The following ADGRV1 variants were observed in gnomAD, a reference collection of about 807,000 sequenced individuals.
ADGRV1 encodes the protein adhesion G protein-coupled receptor V1.
Under a neutral mutation model 596.2 loss-of-function variants are expected in ADGRV1, and 359 were observed. The observed-to-expected ratio is 0.60, with a 90% CI of 0.55 to 0.66. The LOEUF is 0.66. Among genes scored for constraint, ADGRV1 ranks in the 30% least tolerant of loss-of-function variants. The pLI is 0.00. For synonymous variants in ADGRV1, 2,681 were observed against 2,679.2 expected (o/e 1.00, Z -0.02); for missense variants, 7,274 against 7,575.6 (o/e 0.96, Z 1.48).
At chr5:91,036,423 G>C (rs184024404) in intron 85 of ADGRV1, among the ~76,000 whole-genome samples, 1 of 152,082 alleles carries the variant, frequency 6.6e-6, no homozygotes, top group Non-Finnish European at 1.5e-5. Context: ...TTAGCCGGGC[G>C]TGGTGGCGGG....
intron 86 of ADGRV1, among the ~76,000 whole-genome samples, chr5:91,096,205 A>G (rs960096328): frequency 6.6e-6 from 1 of 152,270 alleles, no homozygotes; most frequent in Non-Finnish European, 1.5e-5. Context: ...TAAACATAGA[A>G]TAAATTTCAG....
intron 77 of ADGRV1, among the ~76,000 whole-genome samples, chr5:90,837,055 C>T (rs1254684393): frequency 6.6e-6 from 1 of 152,182 alleles, no homozygotes; most frequent in Non-Finnish European, 1.5e-5. Context: ...CATAGATACC[C>T]TTTGGTAGAC....
intron 83 of ADGRV1, among the ~76,000 whole-genome samples, chr5:90,884,864 G>T (rs1368161783): frequency 1.3e-5 from 2 of 152,186 alleles, no homozygotes; most frequent in Non-Finnish European, 2.9e-5. Flanking sequence ...ATCCAGGACA[G>T]TTGAATACCC....
intron 83 of ADGRV1, among the ~76,000 whole-genome samples, chr5:90,873,924 A>G (rs1346854983): frequency 3.9e-5 from 6 of 152,072 alleles, no homozygotes; most frequent in African/African-American, 1.2e-4. Flanking sequence ...TTGCTCACCT[A>G]AGCCACCTTT....
chr5:90,644,440 A>C (rs1345096347), intron 14 of ADGRV1, among the ~76,000 whole-genome samples: 1 of 152,194 alleles, frequency 6.6e-6, no homozygotes, highest in Non-Finnish European at 1.5e-5. Flanking sequence ...CTAATTCGTC[A>C]TCATTCTGTT....
At chr5:90,564,625 A>ATATTTTTTTTTTTTT (rs1391157470) in intron 1 of ADGRV1, among the ~76,000 whole-genome samples, 1 of 33,600 alleles carries the variant, frequency 3.0e-5, no homozygotes, top group African/African-American at 2.3e-4. Flanking sequence ...ATATATATAT[A>ATATTTTTTTTTTTTT]TTTTTTTTTT....
At chr5:90,671,765 AAATTG>A (rs1772499135) in intron 21 of ADGRV1, among the ~76,000 whole-genome samples, 1 of 152,164 alleles carries the variant, frequency 6.6e-6, no homozygotes, top group African/African-American at 2.4e-5. Context: ...CATAAAAATA[AAATTG>A]AATTGAGAGA....
chr5:90,647,609 C>G lies in ADGRV1; in HGVS notation c.3134C>G (p.Ala1045Gly). ...CAGTATGCTACCAAGGATGGGAAGG[C>G]TACTGCAAGAGAGAGAGATTTCATT... Reference protein sequence around the residue: ...MVQYATKDGKATARERDFIPV... With the variant: ...MVQYATKDGKGTARERDFIPV... Residue 1045 changes from alanine to glycine, a missense_variant, in exon 17 of 90, where the codon GCT (alanine) becomes GGT (glycine). By Grantham distance (60) the Ala-to-Gly change is moderately conservative. Around this residue, in one of 5 missense-constraint regions of ADGRV1, gnomAD observed 1,715 missense variants for 1,708.8 expected, o/e 1.00. Coordinates refer to ENST00000405460, the MANE Select transcript of ADGRV1 (RefSeq NM_032119.4). The G allele has an allele frequency of 6.2e-7, 1 of 1,613,842 alleles. No individual in the cohort carries two copies. The highest frequency in any genetic ancestry group is 8.5e-7 in the Non-Finnish European group (1 of 1,179,856).
intron 79 of ADGRV1, among the ~76,000 whole-genome samples, chr5:90,851,211 G>A (rs1248452084): frequency 1.3e-5 from 2 of 151,108 alleles, no homozygotes; most frequent in Non-Finnish European, 1.5e-5. Context: ...GTTGAGAAGA[G>A]TGTTAAAGGT....
chr5:90,665,381 A>G (rs1174318454), intron 21 of ADGRV1, among the ~76,000 whole-genome samples: 1 of 150,982 alleles, frequency 6.6e-6, no homozygotes, highest in African/African-American at 2.4e-5. Context: ...TTTCTTCTAG[A>G]TTTTCTAGTT....
At chr5:90,759,339 C>A (rs1756196672) in intron 57 of ADGRV1, 70 bp from the exon 58 acceptor site, 3 of 1,154,510 alleles carry the variant, frequency 2.6e-6, no homozygotes, top group Admixed American at 2.3e-5. Flanking sequence ...TACATTATTT[C>A]TTTCCTCATT....
chr5:90,838,658 C>A (rs949198245), intron 77 of ADGRV1, among the ~76,000 whole-genome samples: 3 of 152,078 alleles, frequency 2.0e-5, no homozygotes, highest in Non-Finnish European at 2.9e-5. Context: ...ATTCATTATC[C>A]ATTTACCCAT....
intron 60 of ADGRV1, among the ~76,000 whole-genome samples, chr5:90,774,715 A>T (rs1758041810): frequency 6.6e-6 from 1 of 152,184 alleles, no homozygotes; most frequent in Non-Finnish European, 1.5e-5. Context: ...ACATAATTAC[A>T]TGGATAATTG....
At chr5:91,126,823 G>A (rs971783528) in intron 87 of ADGRV1, among the ~76,000 whole-genome samples, 2 of 152,088 alleles carry the variant, frequency 1.3e-5, no homozygotes, top group African/African-American at 4.8e-5. Flanking sequence ...GGAGATTGTG[G>A]ATTTAGGAAG....
chr5:91,029,416 A>G (rs186938445), intron 85 of ADGRV1, among the ~76,000 whole-genome samples: 3 of 152,126 alleles, frequency 2.0e-5, no homozygotes, highest in Non-Finnish European at 4.4e-5. Flanking sequence ...TGAATTTTTC[A>G]TTGTTATAAA....
At chr5:90,872,271 TTTGTTTATAG>T (rs1768762150) in intron 83 of ADGRV1, among the ~76,000 whole-genome samples, 2 of 152,184 alleles carry the variant, frequency 1.3e-5, no homozygotes, top group African/African-American at 4.8e-5. Flanking sequence ...CATCAGTAAT[TTTGTTTATAG>T]TTTTTAAGAG....
intron 83 of ADGRV1, among the ~76,000 whole-genome samples, chr5:90,919,994 CAAAAAAA>C (rs59122926): frequency 3.7e-5 from 3 of 80,082 alleles, no homozygotes; most frequent in Non-Finnish European, 7.4e-5. Context: ...AACTCCATCT[CAAAAAAA>C]AAAAAAAAAA....
intron 70 of ADGRV1, among the ~76,000 whole-genome samples, chr5:90,797,287 CAAAAAA>C (rs780696194): frequency 7.6e-5 from 2 of 26,352 alleles, no homozygotes; most frequent in Admixed American, 4.7e-4. Context: ...AAATGAAAAG[CAAAAAA>C]AAAAAAAAAA....
intron 87 of ADGRV1, among the ~76,000 whole-genome samples, chr5:91,132,196 T>A (rs1794277412): frequency 1.3e-5 from 2 of 152,214 alleles, no homozygotes; most frequent in African/African-American, 4.8e-5. Context: ...TCATTTGTCA[T>A]TAGTTTACTG....
Sources: allele counts gnomAD v4.1 joint callset (sites outside exome capture counted in the v4.1 genomes callset), GRCh38; gene constraint gnomAD v4.1.1; regional missense constraint gnomAD v4.1.1; transcripts MANE v1.5; gene names NCBI Gene and HGNC (gene_info 2026-07-23, HGNC 2026-07-21).